Variants in THEMIS observed in about 807,000 individuals in gnomAD.
The protein encoded by THEMIS is thymocyte selection associated.
Under a neutral mutation model 52.6 loss-of-function variants are expected in THEMIS, and 37 were observed. That is an observed-to-expected ratio of 0.70 (90% confidence interval 0.54 to 0.93). THEMIS has a LOEUF of 0.93. Ranked by LOEUF, THEMIS falls within the 40% of genes least tolerant of loss-of-function variation. The pLI is 0.00. For missense variants in THEMIS, 808 were observed against 763.1 expected, an observed-to-expected ratio of 1.06 and a Z score of -0.69; for synonymous variants, 292 against 272.7, an observed-to-expected ratio of 1.07 and a Z score of -0.70.
chr6:127,821,510 C>T (rs1048292492), intron 3 of THEMIS, among the ~76,000 whole-genome samples: 2 of 152,036 alleles, frequency 1.3e-5, no homozygotes, highest in Non-Finnish European at 2.9e-5. Flanking sequence ...GGTATGTTTT[C>T]TTGTTATCCA....
chr6:127,893,173 G>A (rs1219667528), intron 1 of THEMIS, among the ~76,000 whole-genome samples: 1 of 151,454 alleles, frequency 6.6e-6, no homozygotes, highest in African/African-American at 2.4e-5. Flanking sequence ...TTCTTTAAAT[G>A]GTTTTATTGT....
At chr6:127,739,341 G>GA (rs1019584648) in intron 4 of THEMIS, among the ~76,000 whole-genome samples, 4 of 151,728 alleles carry the variant, frequency 2.6e-5, no homozygotes, top group African/African-American at 4.8e-5. Flanking sequence ...GAAATTATGG[G>GA]AAAAAAAATA....
chr6:127,854,393 T>C (rs1006063339), intron 2 of THEMIS, among the ~76,000 whole-genome samples: 2 of 151,712 alleles, frequency 1.3e-5, no homozygotes, highest in Non-Finnish European at 2.9e-5. Flanking sequence ...CAACCCCTAG[T>C]GTAAAAAATA....
At position 127,813,701 on chromosome 6, in the gene THEMIS, G is replaced by C. The variant is rs1778020841; in HGVS notation, c.940C>G (p.Gln314Glu). Reference sequence around the variant, plus strand: ...TCTGAAGCTAAGATTCTTGATGCCTGGTACTTTTTGTGGATCACAATGGTT... The same window carrying C: ...TCTGAAGCTAAGATTCTTGATGCCTCGTACTTTTTGTGGATCACAATGGTT... ...GKTIVIHKKYQASRILASEIR... is the reference protein window; with the variant it reads ...GKTIVIHKKYEASRILASEIR... Residue 314 changes from glutamine to glutamate, a missense_variant, in exon 4 of 6, where the codon CAG becomes GAG. Coordinates refer to ENST00000368248, the MANE Select transcript of THEMIS (RefSeq NM_001010923.3). 2.5e-6 allele frequency: 4 copies of C among 1,613,884 alleles called. No homozygotes were observed. Among genetic ancestry groups the C allele is most frequent in the East Asian group, 2.2e-5 (1 of 44,884 alleles).
In THEMIS at chr6:127,899,274, CTA is replaced by C. The variant is rs1363874762; in HGVS notation, c.91+1566_91+1567del. ...GTATCTATAAAAACATTTTTAAAGT[CTA>C]TGAATATCTAAGCCAATTTAGGAAA... On this transcript the variant is annotated intron_variant, in intron 1 of 5. Coordinates refer to ENST00000368248, the MANE Select transcript of THEMIS (RefSeq NM_001010923.3). 2.0e-5 allele frequency among the ~76,000 whole-genome samples: 3 copies of C among 151,664 alleles called. No homozygotes were observed. The East Asian group carries it at 5.8e-4, about 29-fold the overall frequency.
At chr6:127,733,629 A>C (rs1293670249) in intron 4 of THEMIS, among the ~76,000 whole-genome samples, 1 of 152,180 alleles carries the variant, frequency 6.6e-6, no homozygotes, top group Non-Finnish European at 1.5e-5. Context: ...AAAGAAAGAA[A>C]CAACCAGACT....
intron 4 of THEMIS, among the ~76,000 whole-genome samples, chr6:127,795,087 T>C (rs1777282575): frequency 6.6e-6 from 1 of 152,196 alleles, no homozygotes; most frequent in Admixed American, 6.5e-5. Context: ...GACAGTTCCA[T>C]AGCATTGAAA....
At chr6:127,707,461 A>G (rs1212715461), downstream of THEMIS, among the ~76,000 whole-genome samples, 1 of 152,164 alleles carries the variant, frequency 6.6e-6, no homozygotes, top group Admixed American at 6.5e-5. Flanking sequence ...CAATCAGAAT[A>G]GATTGATAGG....
intron 2 of THEMIS, among the ~76,000 whole-genome samples, chr6:127,830,901 A>G (rs1778679931): frequency 6.6e-6 from 1 of 152,176 alleles, no homozygotes; most frequent in African/African-American, 2.4e-5. Context: ...CTTTAAATAC[A>G]CCATGACTCT....
At chr6:127,817,749 A>C (rs1423440289) in intron 3 of THEMIS, among the ~76,000 whole-genome samples, 2 of 152,204 alleles carry the variant, frequency 1.3e-5, no homozygotes, top group Non-Finnish European at 2.9e-5. Flanking sequence ...CGACTGCTGG[A>C]GGCAGCACCT....
At chr6:127,859,049 T>C (rs1398964725) in intron 1 of THEMIS, among the ~76,000 whole-genome samples, 1 of 152,036 alleles carries the variant, frequency 6.6e-6, no homozygotes, top group Non-Finnish European at 1.5e-5. Context: ...AAACAATTGG[T>C]TCAATAGATT....
intron 1 of THEMIS, among the ~76,000 whole-genome samples, chr6:127,877,230 A>C (rs1275400425): frequency 6.6e-6 from 1 of 152,148 alleles, no homozygotes; most frequent in African/African-American, 2.4e-5. Flanking sequence ...GTGATCTTCT[A>C]TTCACACCAC....
intron 3 of THEMIS, among the ~76,000 whole-genome samples, chr6:127,822,924 G>C (rs1778388310): frequency 6.6e-6 from 1 of 152,084 alleles, no homozygotes. Context: ...CTGTCCTACA[G>C]ATTTAGATCT....
At chr6:127,705,095 T>C (rs185183778), downstream of THEMIS, among the ~76,000 whole-genome samples, 3 of 152,296 alleles carry the variant, frequency 2.0e-5, no homozygotes, top group East Asian at 3.9e-4. Context: ...GTGGCTTTAA[T>C]AGCAAATGAC....
At chr6:127,776,685 A>G (rs959830460) in intron 4 of THEMIS, among the ~76,000 whole-genome samples, 3 of 152,222 alleles carry the variant, frequency 2.0e-5, no homozygotes, top group Non-Finnish European at 4.4e-5. Flanking sequence ...TTTGCTGTTT[A>G]TACTTATTAA....
intron 3 of THEMIS, among the ~76,000 whole-genome samples, chr6:127,819,383 T>C (rs1346582893): frequency 6.6e-6 from 1 of 152,002 alleles, no homozygotes; most frequent in Non-Finnish European, 1.5e-5. Flanking sequence ...GAGAATACAG[T>C]GGTAAAAGAA....
intron 1 of THEMIS, among the ~76,000 whole-genome samples, chr6:127,856,934 C>G (rs1478209185): frequency 6.6e-6 from 1 of 151,848 alleles, no homozygotes; most frequent in Non-Finnish European, 1.5e-5. Flanking sequence ...TTATCTCACC[C>G]TATACTTAAT....
At chr6:127,834,733 A>G (rs1778817597) in intron 2 of THEMIS, among the ~76,000 whole-genome samples, 1 of 152,166 alleles carries the variant, frequency 6.6e-6, no homozygotes, top group South Asian at 2.1e-4. Flanking sequence ...CAACCATTGC[A>G]TGGGGAAAAC....
chr6:127,909,807 C>T (rs1320894504), intron 1 of THEMIS: 1 of 152,078 alleles, frequency 6.6e-6, no homozygotes, highest in Non-Finnish European at 1.5e-5. Flanking sequence ...TTCTTATTTC[C>T]ACAGTGTTTT....
Sources: gnomAD v4.1 joint callset for allele counts (sites outside exome capture counted in the v4.1 genomes callset) on GRCh38, gnomAD v4.1.1 for gene constraint, MANE v1.5 for transcripts, NCBI Gene and HGNC (gene_info 2026-07-23, HGNC 2026-07-21) for gene names.